LDLRAD4: variants seen among roughly 807,000 people sequenced by gnomAD.
The protein encoded by LDLRAD4 is low density lipoprotein receptor class A domain containing 4.
Under a neutral mutation model 17.0 loss-of-function variants are expected in LDLRAD4, and 5 were observed. The ratio of observed to expected loss-of-function variants is 0.29; its 90% CI spans 0.15 to 0.62. LDLRAD4 has a LOEUF of 0.62. LDLRAD4 is among the 20% of genes least tolerant of loss of function. The pLI is 0.84. For synonymous variants in LDLRAD4, 168 were observed against 171.8 expected, an observed-to-expected ratio of 0.98 and a Z score of 0.17; for missense variants, 340 against 424.7, an observed-to-expected ratio of 0.80 and a Z score of 1.75.
rs1387132896 is a variant in LDLRAD4, at chr18:13,234,366, G to A, written c.-467+15378G>A. ...CTAGGAGGCCTTCCCTGGCCCATGTGTCTCCTGCACGGGGCCTGGTCATTG... is the reference window on the plus strand; with the variant it reads ...CTAGGAGGCCTTCCCTGGCCCATGTATCTCCTGCACGGGGCCTGGTCATTG... On this transcript the variant is annotated intron_variant, in intron 1 of 5. Transcript: ENST00000399848. Among the ~76,000 whole-genome samples, 3 of 150,368 alleles carry A rather than the reference G, an allele frequency of 2.0e-5. No homozygotes were observed. The Admixed American group carries it at 2.0e-4, about 10-fold the overall frequency.
intron 3 of LDLRAD4, among the ~76,000 whole-genome samples, chr18:13,563,653 G>C (rs1601408496): frequency 6.6e-6 from 1 of 152,212 alleles, no homozygotes; most frequent in Non-Finnish European, 1.5e-5. Context: ...AGCAGGACTG[G>C]AGGATGGCAG....
chr18:13,317,540 A>G (rs2080996206), intron 1 of LDLRAD4, among the ~76,000 whole-genome samples: 1 of 152,244 alleles, frequency 6.6e-6, no homozygotes, highest in Non-Finnish European at 1.5e-5. Context: ...AAATTGAACA[A>G]TTAGGATTGG....
intron 1 of LDLRAD4, among the ~76,000 whole-genome samples, chr18:13,378,953 C>T (rs538275422): frequency 1.3e-5 from 2 of 152,212 alleles, no homozygotes; most frequent in Admixed American, 6.5e-5. Flanking sequence ...GCGATTTCAT[C>T]GGCCATCTGC....
chr18:13,291,189 CTGTT>C (rs1223641726), intron 1 of LDLRAD4, among the ~76,000 whole-genome samples: 7 of 152,192 alleles, frequency 4.6e-5, no homozygotes, highest in African/African-American at 1.7e-4. Context: ...CCCAGCCGGT[CTGTT>C]TGCTGACGTC....
rs562941654 is a variant in LDLRAD4 at position 13,345,227 on chromosome 18, A to T, written c.-382-42114A>T. On this transcript the variant is annotated intron_variant, in intron 1 of 5. Transcript: ENST00000359446. ...GATATTGGCTGTGGGTTTGTCATAG[A>T]TAGCTCTTATTATTTTGAGATACAT... Among the ~76,000 whole-genome samples, 215 of 152,262 alleles carry T rather than the reference A, an allele frequency of 1.4e-3. 1 individual carries two copies. Among genetic ancestry groups the T allele is most frequent in the African/African-American group, 5.0e-3 (207 of 41,542 alleles).
Position 13,348,106 on chromosome 18 carries a change from T to C in LDLRAD4, c.-382-39235T>C, listed in dbSNP as rs59176091. ...CATTCTCTGTCCAGCTTTGTTGCGA[T>C]GCTGGTGAGGAGCTGCGTTCCTTTG... On this transcript the variant is annotated intron_variant, in intron 1 of 5. Transcript: ENST00000359446. 1.4e-3 allele frequency among the ~76,000 whole-genome samples: 210 copies of C among 152,374 alleles called. 1 individual carries two copies. The highest frequency in any genetic ancestry group is 4.7e-3 in the African/African-American group (195 of 41,596).
At chr18:13,282,202 G>T (rs2045324567) in intron 1 of LDLRAD4, among the ~76,000 whole-genome samples, 1 of 152,112 alleles carries the variant, frequency 6.6e-6, no homozygotes, top group Admixed American at 6.6e-5. Context: ...TGACTTGTGG[G>T]AACACAGCCA....
intron 1 of LDLRAD4, among the ~76,000 whole-genome samples, chr18:13,345,297 G>T (rs183438548): frequency 1.2e-3 from 177 of 152,316 alleles, no homozygotes; most frequent in African/African-American, 4.1e-3. Flanking sequence ...ATGAAGCATT[G>T]TTGGATTTTG....
chr18:13,593,312 TAAAAAAC>T (rs1042091163), intron 3 of LDLRAD4, among the ~76,000 whole-genome samples: 31 of 152,274 alleles, frequency 2.0e-4, no homozygotes, highest in South Asian at 4.1e-4. Flanking sequence ...GACTGCGTCT[TAAAAAAC>T]AAAAAACAAA....
At chr18:13,250,193 A>G (rs1456283736) in intron 1 of LDLRAD4, among the ~76,000 whole-genome samples, 1 of 152,210 alleles carries the variant, frequency 6.6e-6, no homozygotes, top group Non-Finnish European at 1.5e-5. Context: ...TTTTTATGCC[A>G]GTATCATGCT....
At chr18:13,258,546 A>G (rs1454886834) in intron 1 of LDLRAD4, among the ~76,000 whole-genome samples, 1 of 152,344 alleles carries the variant, frequency 6.6e-6, no homozygotes, top group Non-Finnish European at 1.5e-5. Context: ...GCAAATGTTT[A>G]GAGATGACAA....
chr18:13,639,323 A>T (rs959684943), intron 4 of LDLRAD4, among the ~76,000 whole-genome samples: 1 of 152,166 alleles, frequency 6.6e-6, no homozygotes, highest in Non-Finnish European at 1.5e-5. Context: ...TAGACAAGGG[A>T]GACACATCTT....
intron 1 of LDLRAD4, among the ~76,000 whole-genome samples, chr18:13,259,455 C>T (rs11661574): frequency 0.42 from 63,906 of 152,072 alleles, 15,856 homozygotes; most frequent in Middle Eastern, 0.56. Context: ...GGATTATAGG[C>T]GTGAGCTGCT....
At chr18:13,312,670 A>G (rs1187586173) in intron 1 of LDLRAD4, among the ~76,000 whole-genome samples, 1 of 152,180 alleles carries the variant, frequency 6.6e-6, no homozygotes, top group Non-Finnish European at 1.5e-5. Context: ...TGAGTCTAGA[A>G]GTTCCAGACT....
intron 1 of LDLRAD4, among the ~76,000 whole-genome samples, chr18:13,361,750 T>C (rs1401799502): frequency 6.6e-6 from 1 of 152,056 alleles, no homozygotes; most frequent in East Asian, 1.9e-4. Context: ...TGAGAAATAA[T>C]GAGTTGCATG....
At chr18:13,437,029 G>T (rs1211158511) in intron 2 of LDLRAD4, among the ~76,000 whole-genome samples, 1 of 152,228 alleles carries the variant, frequency 6.6e-6, no homozygotes, top group African/African-American at 2.4e-5. Flanking sequence ...GCCACAGTTC[G>T]CCGCTGAGAG....
At chr18:13,493,782 G>A (rs986843092) in intron 3 of LDLRAD4, among the ~76,000 whole-genome samples, 1 of 152,174 alleles carries the variant, frequency 6.6e-6, no homozygotes, top group Admixed American at 6.5e-5. Context: ...GGGAAGAGGG[G>A]CACAGAACAG....
Position 13,288,051 on chromosome 18 carries a change from G to A in LDLRAD4, c.-383+9863G>A, listed in dbSNP as rs1005523823. Among the ~76,000 whole-genome samples the A allele has an allele frequency of 7.2e-5, 11 of 152,288 alleles. No homozygotes were observed. The South Asian group carries it at 1.0e-3, about 14-fold the overall frequency. On this transcript the variant is annotated intron_variant, in intron 1 of 5. Transcript: ENST00000359446. ...CTCTCCAAAGTGATCACTCTATTCC[G>A]TGAAGAAGGTGGAATGGGAACAATT...
At chr18:13,552,559 G>A (rs2094445404) in intron 3 of LDLRAD4, among the ~76,000 whole-genome samples, 1 of 152,168 alleles carries the variant, frequency 6.6e-6, no homozygotes. Flanking sequence ...CTGGTTGCTG[G>A]TGCAGTTTGA....
Sources: allele counts gnomAD v4.1 joint callset (sites outside exome capture counted in the v4.1 genomes callset), GRCh38; gene constraint gnomAD v4.1.1; transcripts MANE v1.5; gene names NCBI Gene and HGNC (gene_info 2026-07-23, HGNC 2026-07-21).